AUTS2: variants seen among roughly 807,000 people sequenced by gnomAD.
AUTS2 encodes the protein activator of transcription and developmental regulator AUTS2.
A neutral mutation model predicts 112.4 loss-of-function variants in AUTS2; 17 were observed. The ratio of observed to expected loss-of-function variants is 0.15; its 90% CI spans 0.10 to 0.23. The LOEUF (loss-of-function observed/expected upper bound fraction) is 0.23. Ranked by LOEUF, AUTS2 falls within the 10% of genes least tolerant of loss-of-function variation. AUTS2 has a pLI of 1.00. For missense variants in AUTS2, 1,510 were observed against 1,701.6 expected (o/e 0.89, Z 1.98); for synonymous variants, 751 against 702.7 (o/e 1.07, Z -1.09).
intron 1 of AUTS2, among the ~76,000 whole-genome samples, chr7:69,774,956 A>G (rs1788829145): frequency 6.6e-6 from 1 of 152,242 alleles, no homozygotes; most frequent in African/African-American, 2.4e-5. Context: ...GTAAATAGAA[A>G]CTAGGTCTGG....
At chr7:69,953,953 A>G (rs1797123228) in intron 2 of AUTS2, among the ~76,000 whole-genome samples, 1 of 152,142 alleles carries the variant, frequency 6.6e-6, no homozygotes, top group Non-Finnish European at 1.5e-5. Context: ...ATATTTGTGC[A>G]GCTATTCCCT....
chr7:69,796,618 G>A (rs529766450), intron 1 of AUTS2, among the ~76,000 whole-genome samples: 1 of 152,124 alleles, frequency 6.6e-6, no homozygotes, highest in East Asian at 1.9e-4. Flanking sequence ...GGTGTGGTCT[G>A]GAAGAAGGAA....
At chr7:70,352,000 G>A (rs992944530) in intron 4 of AUTS2, among the ~76,000 whole-genome samples, 1 of 152,174 alleles carries the variant, frequency 6.6e-6, no homozygotes, top group Non-Finnish European at 1.5e-5. Flanking sequence ...ACCAGGCCCA[G>A]CCTTGACCAT....
At chr7:69,931,969 C>G (rs1280688182) in intron 2 of AUTS2, among the ~76,000 whole-genome samples, 1 of 152,032 alleles carries the variant, frequency 6.6e-6, no homozygotes, top group Non-Finnish European at 1.5e-5. Context: ...CTTTTACTGC[C>G]CATCTCTTCC....
chr7:70,092,643 C>A lies in AUTS2; in HGVS notation c.523-25489C>A, dbSNP rs574795941. ...TGATATTGGAATAACGACTCTGTGGCACAGACATGGGAATAATTTAATTAA... is the reference window on the plus strand; with the variant it reads ...TGATATTGGAATAACGACTCTGTGGAACAGACATGGGAATAATTTAATTAA... On this transcript the variant is annotated intron_variant, in intron 2 of 18. Transcript: ENST00000342771. Among the ~76,000 whole-genome samples the A allele has an allele frequency of 8.3e-4, 127 of 152,234 alleles. 5 individuals carry two copies. In the South Asian group the frequency reaches 0.019, roughly 23 times the overall value.
intron 4 of AUTS2, among the ~76,000 whole-genome samples, chr7:70,240,238 T>C (rs774509481): frequency 2.0e-5 from 3 of 152,224 alleles, no homozygotes; most frequent in Non-Finnish European, 4.4e-5. Flanking sequence ...CTGGCTACAA[T>C]TGATGTAACC....
At chr7:70,583,774 A>G (rs1342622457) in intron 5 of AUTS2, among the ~76,000 whole-genome samples, 2 of 152,206 alleles carry the variant, frequency 1.3e-5, no homozygotes, top group African/African-American at 4.8e-5. Context: ...TCTTTGTGGA[A>G]GAAAGCAAAA....
chr7:69,886,328 G>A (rs1325723776), intron 1 of AUTS2, among the ~76,000 whole-genome samples: 1 of 152,198 alleles, frequency 6.6e-6, no homozygotes, highest in Non-Finnish European at 1.5e-5. Flanking sequence ...CTGGAAAGTT[G>A]GAAGAAAGTT....
chr7:70,170,340 T>TG (rs1038781564), intron 4 of AUTS2, among the ~76,000 whole-genome samples: 1 of 151,876 alleles, frequency 6.6e-6, no homozygotes, highest in African/African-American at 2.4e-5. Flanking sequence ...TTTGTAGTGT[T>TG]GGGGCTTCAC....
chr7:69,878,722 T>C (rs1326676267), intron 1 of AUTS2, among the ~76,000 whole-genome samples: 2 of 152,202 alleles, frequency 1.3e-5, no homozygotes, highest in Non-Finnish European at 2.9e-5. Context: ...TGGAGAGCAG[T>C]ACATTTTTAA....
At chr7:69,833,791 A>G (rs1420756832) in intron 1 of AUTS2, among the ~76,000 whole-genome samples, 3 of 152,158 alleles carry the variant, frequency 2.0e-5, no homozygotes, top group Non-Finnish European at 4.4e-5. Flanking sequence ...TTGTCCTAGA[A>G]TGTCTTTGAA....
chr7:69,795,491 G>T (rs928396348), intron 1 of AUTS2, among the ~76,000 whole-genome samples: 2 of 152,136 alleles, frequency 1.3e-5, no homozygotes, highest in Non-Finnish European at 2.9e-5. Context: ...ACCAGCCTGG[G>T]CAATGTAGTG....
chr7:70,086,677 GTTACAAATAT>G (rs1355094508), intron 2 of AUTS2, among the ~76,000 whole-genome samples: 3 of 151,034 alleles, frequency 2.0e-5, no homozygotes, highest in Non-Finnish European at 4.4e-5. Context: ...TAGTTTTCAG[GTTACAAATAT>G]TTCACAACCT....
chr7:70,410,380 G>A (rs1339275276), intron 4 of AUTS2, among the ~76,000 whole-genome samples: 1 of 151,538 alleles, frequency 6.6e-6, no homozygotes, highest in Middle Eastern at 3.4e-3. Flanking sequence ...AAAAGGCTCT[G>A]TCTTAGGAGG....
intron 4 of AUTS2, among the ~76,000 whole-genome samples, chr7:70,322,356 T>G (rs1391980550): frequency 6.6e-6 from 1 of 152,200 alleles, no homozygotes; most frequent in East Asian, 1.9e-4. Context: ...AACAAGGCTA[T>G]TCTTTACTGT....
intron 5 of AUTS2, among the ~76,000 whole-genome samples, chr7:70,666,202 A>G (rs1381162450): frequency 1.3e-5 from 2 of 152,226 alleles, no homozygotes; most frequent in Non-Finnish European, 2.9e-5. Flanking sequence ...CAATTTCTTC[A>G]TCTGCAAAAT....
chr7:69,934,648 G>A (rs1224704357), intron 2 of AUTS2, among the ~76,000 whole-genome samples: 1 of 152,142 alleles, frequency 6.6e-6, no homozygotes, highest in East Asian at 1.9e-4. Flanking sequence ...AGCAAACACT[G>A]TGTGTGTTTG....
intron 4 of AUTS2, among the ~76,000 whole-genome samples, chr7:70,366,466 G>C (rs57450711): frequency 0.093 from 14,089 of 152,152 alleles, 1,040 homozygotes; most frequent in African/African-American, 0.2. Context: ...GTTTGTGGAA[G>C]TAGGTAGCCC....
chr7:70,693,046 C>G (rs577902497), intron 5 of AUTS2, among the ~76,000 whole-genome samples: 4 of 152,308 alleles, frequency 2.6e-5, no homozygotes, highest in South Asian at 4.1e-4. Flanking sequence ...CCGGTTGCAA[C>G]CTAGGGCTTG....
Sources: gnomAD v4.1 joint callset for allele counts (sites outside exome capture counted in the v4.1 genomes callset) on GRCh38, gnomAD v4.1.1 for gene constraint, MANE v1.5 for transcripts, NCBI Gene and HGNC (gene_info 2026-07-23, HGNC 2026-07-21) for gene names.